Variants in PFKP observed in about 807,000 individuals in gnomAD.
PFKP encodes ATP-dependent 6-phosphofructokinase, platelet type.
PFKP carries 101 observed loss-of-function variants against 94.3 expected under a neutral mutation model. The observed-to-expected ratio is 1.07, with a 90% CI of 0.91 to 1.26. The LOEUF (loss-of-function observed/expected upper bound fraction) is 1.26. Among genes scored for constraint, PFKP ranks in the 50% most tolerant of loss-of-function variants. The pLI, the probability that PFKP is intolerant of heterozygous loss-of-function variation, is 0.00. For missense variants in PFKP, 1,145 were observed against 1,103.3 expected, an observed-to-expected ratio of 1.04 and a Z score of -0.53; for synonymous variants, 573 against 432.6, an observed-to-expected ratio of 1.32 and a Z score of -4.03.
intron 2 of PFKP, among the ~76,000 whole-genome samples, chr10:3,092,966 T>G (rs1834166342): frequency 1.8e-5 from 2 of 109,258 alleles, no homozygotes; most frequent in African/African-American, 7.2e-5. Context: ...CTGGGATGTG[T>G]GGATGGGGGT....
At position 3,136,587 on chromosome 10, in the gene PFKP, C is replaced by T. The variant is rs377174199; in HGVS notation, c.*8C>T. ...CAGCCCTGGAGTGTCTGACCCAGTCCCGCCTGCATGTGCCTGCAGCCACCG... is the reference window on the plus strand; with the variant it reads ...CAGCCCTGGAGTGTCTGACCCAGTCTCGCCTGCATGTGCCTGCAGCCACCG... On this transcript the variant is annotated 3_prime_UTR_variant, in exon 22 of 22. Coordinates refer to ENST00000381125, the MANE Select transcript of PFKP (RefSeq NM_002627.5). 3.3e-5 allele frequency: 54 copies of T among 1,612,770 alleles called. No homozygotes were observed. The Middle Eastern group carries it at 4.9e-4, about 15-fold the overall frequency.
chr10:3,088,564 A>G (rs1336512932), intron 2 of PFKP, among the ~76,000 whole-genome samples: 2 of 152,110 alleles, frequency 1.3e-5, no homozygotes, highest in Non-Finnish European at 2.9e-5. Context: ...CTCTCTTTGC[A>G]GGGGTGGGTT....
intron 2 of PFKP, among the ~76,000 whole-genome samples, chr10:3,093,682 C>G (rs1419825935): frequency 7.8e-6 from 1 of 128,700 alleles, no homozygotes; most frequent in Non-Finnish European, 1.6e-5. Flanking sequence ...CTTGCTCTGT[C>G]ACCCAGGCTG....
intron 20 of PFKP, 115 bp downstream of exon 20, chr10:3,134,697 T>G: frequency 1.5e-6 from 1 of 665,398 alleles, no homozygotes; most frequent in Non-Finnish European, 2.7e-6. Flanking sequence ...AGTTCAGTAC[T>G]GAGCTGCACG....
chr10:3,080,774 C>T (rs72778566), intron 1 of PFKP, among the ~76,000 whole-genome samples: 1 of 152,012 alleles, frequency 6.6e-6, no homozygotes, highest in Admixed American at 6.5e-5. Flanking sequence ...CTGTTGTAAT[C>T]CTTCTGGCCA....
intron 1 of PFKP, among the ~76,000 whole-genome samples, chr10:3,079,886 C>T (rs1028773948): frequency 6.6e-6 from 1 of 152,114 alleles, no homozygotes; most frequent in Non-Finnish European, 1.5e-5. Context: ...GAGCGAGGAC[C>T]TTCCACAGGT....
At chr10:3,093,890 G>T (rs112945140) in intron 2 of PFKP, among the ~76,000 whole-genome samples, 116 of 152,164 alleles carry the variant, frequency 7.6e-4, no homozygotes, top group Admixed American at 2.6e-3. Context: ...TGATCCGCCC[G>T]CCTTGGCCTC....
At chr10:3,130,228 C>T (rs1169624981) in intron 17 of PFKP, among the ~76,000 whole-genome samples, 2 of 148,352 alleles carry the variant, frequency 1.3e-5, no homozygotes, top group African/African-American at 5.0e-5. Context: ...GTTTGTTTGA[C>T]ATAGTCTGTT....
At chr10:3,105,623 C>T (rs1835465982) in intron 7 of PFKP, 122 bp downstream of exon 7, 1 of 699,484 alleles carries the variant, frequency 1.4e-6, no homozygotes, top group East Asian at 2.7e-5. Flanking sequence ...GTTTGTCACA[C>T]TTTGTATTTC....
At chr10:3,100,090 AGAGT>A (rs989776021) in intron 3 of PFKP, among the ~76,000 whole-genome samples, 18 of 130,782 alleles carry the variant, frequency 1.4e-4, no homozygotes, top group African/African-American at 3.3e-4. Context: ...TGTGTGAAAG[AGAGT>A]GAGTGAGAGA....
chr10:3,133,382 A>ACAT, intron 19 of PFKP, 68 bp downstream of exon 19: 1 of 994,838 alleles, frequency 1.0e-6, no homozygotes, highest in South Asian at 1.3e-5. Flanking sequence ...TTAGTGTCTT[A>ACAT]TTTTAGCCAT....
In PFKP at chr10:3,136,703, C is replaced by G; in HGVS notation, c.*124C>G. ...TAATACCTAATCGGCGAGTGCCCAT[C>G]TGCCCCACCTGCTCCAGTGCGTGCT... On this transcript the variant is annotated 3_prime_UTR_variant, in exon 22 of 22. Transcript: ENST00000381125. 1 of 947,876 alleles carries G rather than the reference C, an allele frequency of 1.1e-6. No homozygotes were observed. Among genetic ancestry groups the G allele is most frequent in the South Asian group, 1.6e-5 (1 of 62,790 alleles). 58.7% of individuals were successfully genotyped at this position (947,876 alleles called of 1,614,324 possible).
Position 3,082,389 on chromosome 10 carries a change from T to C in PFKP, c.114T>C (p.Gly38=). The change falls in exon 2 of 22, where the codon GGT becomes GGC. Residue 38 remains glycine (G), a splice_region_variant and synonymous_variant. Coordinates refer to ENST00000381125, the MANE Select transcript of PFKP (RefSeq NM_002627.5). ...CTCTTGCTCCTGTTTCCACTGCAGG[T>C]ATGAACGCTGCCGTCCGTGCCGTGG... The part of the protein sequence containing the change: ...GVLTSGGDAQ[G]MNAAVRAVVR... 2.5e-6 allele frequency: 4 copies of C among 1,605,902 alleles called. No individual in the cohort carries two copies. The highest frequency in any genetic ancestry group is 3.4e-6 in the Non-Finnish European group (4 of 1,174,604).
chr10:3,109,081 T>TGA (rs1835907448), intron 9 of PFKP, among the ~76,000 whole-genome samples: 2 of 151,330 alleles, frequency 1.3e-5, no homozygotes, highest in African/African-American at 2.4e-5. Context: ...GTGTTTCTAG[T>TGA]GAGTTTCTGG....
rs141173508 is a variant in PFKP, at chr10:3,070,684, C to T, written c.112+2977C>T. Among the ~76,000 whole-genome samples the T allele has an allele frequency of 1.3e-3, 193 of 152,216 alleles. 1 individual carries two copies. The highest frequency in any genetic ancestry group is 4.5e-3 in the African/African-American group (186 of 41,526). ...GTTAGGTAAGGGCATGAGGTGCATA[C>T]GTGATTGTGATAGGAGCAAAACAGA... On this transcript the variant is annotated intron_variant, in intron 1 of 21. Coordinates refer to ENST00000381125, the MANE Select transcript of PFKP (RefSeq NM_002627.5).
intron 14 of PFKP, among the ~76,000 whole-genome samples, chr10:3,117,737 G>T (rs561528112): frequency 6.6e-6 from 1 of 152,302 alleles, no homozygotes; most frequent in Non-Finnish European, 1.5e-5. Context: ...CTGGGGCTGA[G>T]GACTGGCTGC....
At chr10:3,073,716 A>G (rs1832365711) in intron 1 of PFKP, among the ~76,000 whole-genome samples, 1 of 149,442 alleles carries the variant, frequency 6.7e-6, no homozygotes, top group Non-Finnish European at 1.5e-5. Context: ...AGTTTCCTGA[A>G]TGGAAAATGA....
chr10:3,128,385 C>T (rs1380335556), intron 16 of PFKP, among the ~76,000 whole-genome samples: 1 of 152,202 alleles, frequency 6.6e-6, no homozygotes, highest in Non-Finnish European at 1.5e-5. Flanking sequence ...GTCCTAGAAA[C>T]CAGGTGGTGT....
intron 4 of PFKP, among the ~76,000 whole-genome samples, chr10:3,102,816 C>T (rs10795005): frequency 0.75 from 113,789 of 152,150 alleles, 42,846 homozygotes; most frequent in Middle Eastern, 0.86. Context: ...CAGCTGTCCC[C>T]AGGTTTGTGA....
Sources: allele counts gnomAD v4.1 joint callset (sites outside exome capture counted in the v4.1 genomes callset), GRCh38; gene constraint gnomAD v4.1.1; transcripts MANE v1.5; gene names NCBI Gene and HGNC (gene_info 2026-07-23, HGNC 2026-07-21).